GRM7: variants seen among roughly 807,000 people sequenced by gnomAD.
The protein encoded by GRM7 is glutamate metabotropic receptor 7, also known as metabotropic glutamate receptor 7.
In GRM7, 35 loss-of-function variants were observed where a neutral mutation model predicts 84.5. That is an observed-to-expected ratio of 0.41 (90% confidence interval 0.32 to 0.55). GRM7 has a LOEUF of 0.55. Ranked by LOEUF, GRM7 falls within the 20% of genes least tolerant of loss-of-function variation. GRM7 has a pLI of 0.19. For missense variants in GRM7, 1,003 were observed against 1,194.6 expected (o/e 0.84, Z 2.36); for synonymous variants, 487 against 455.1 (o/e 1.07, Z -0.89).
At chr3:7,699,178 C>G (rs1246433397) in intron 9 of GRM7, among the ~76,000 whole-genome samples, 7 of 152,114 alleles carry the variant, frequency 4.6e-5, no homozygotes, top group Non-Finnish European at 1.0e-4. Flanking sequence ...GTTCAAAACT[C>G]AAAGTTTGAT....
intron 1 of GRM7, among the ~76,000 whole-genome samples, chr3:6,975,916 A>G (rs1000333202): frequency 2.0e-5 from 3 of 152,208 alleles, no homozygotes; most frequent in Non-Finnish European, 4.4e-5. Flanking sequence ...CAGAAGGCAT[A>G]TTATGAACAT....
intron 1 of GRM7, among the ~76,000 whole-genome samples, chr3:7,044,398 G>A (rs1696730510): frequency 6.6e-6 from 1 of 152,222 alleles, no homozygotes; most frequent in East Asian, 1.9e-4. Context: ...TCCTGGTGGT[G>A]GAACGAGAGG....
At chr3:7,658,597 T>C (rs1200146775) in intron 8 of GRM7, among the ~76,000 whole-genome samples, 1 of 152,204 alleles carries the variant, frequency 6.6e-6, no homozygotes, top group Non-Finnish European at 1.5e-5. Context: ...TAAAGCAAGT[T>C]AACGATACCC....
At position 7,618,304 on chromosome 3, in the gene GRM7, T is replaced by G. The variant is rs1009191734; in HGVS notation, c.2451+38947T>G. 3.9e-4 allele frequency among the ~76,000 whole-genome samples: 59 copies of G among 152,244 alleles called. 1 individual carries two copies. Among genetic ancestry groups the G allele is most frequent in the African/African-American group, 1.3e-3 (55 of 41,558 alleles). On this transcript the variant is annotated intron_variant, in intron 8 of 9. Transcript: ENST00000357716. The stretch of plus-strand genomic sequence containing the variant: ...AGGGTTAGTGTGATCATTAAATTAG[T>G]TAATATTTAGTAAGTTCTTTTACCT...
At chr3:7,493,065 T>C (rs1003539588) in intron 7 of GRM7, among the ~76,000 whole-genome samples, 5 of 152,140 alleles carry the variant, frequency 3.3e-5, no homozygotes, top group Non-Finnish European at 7.4e-5. Context: ...CTTTTAAATT[T>C]GATGAAGTAT....
At chr3:6,888,962 G>A (rs1442501043) in intron 1 of GRM7, among the ~76,000 whole-genome samples, 1 of 152,010 alleles carries the variant, frequency 6.6e-6, no homozygotes, top group Non-Finnish European at 1.5e-5. Context: ...TTGTAAGTTG[G>A]ATTCCTAGGT....
intron 2 of GRM7, among the ~76,000 whole-genome samples, chr3:7,238,158 C>G (rs1216556334): frequency 6.6e-6 from 1 of 152,188 alleles, no homozygotes. Context: ...CTAAATAGCA[C>G]TTCTCATTAC....
intron 9 of GRM7, among the ~76,000 whole-genome samples, chr3:7,722,427 G>C (rs569854697): frequency 6.8e-6 from 1 of 147,414 alleles, no homozygotes; most frequent in South Asian, 2.2e-4. Context: ...TCATACAGCT[G>C]AATGGTGACA....
intron 4 of GRM7, among the ~76,000 whole-genome samples, chr3:7,319,617 G>C (rs1257338359): frequency 6.6e-6 from 1 of 152,006 alleles, no homozygotes. Flanking sequence ...TATGGCAAAA[G>C]AGTCTAGGAC....
intron 4 of GRM7, among the ~76,000 whole-genome samples, chr3:7,324,439 C>T (rs1476966209): frequency 6.6e-6 from 1 of 152,178 alleles, no homozygotes; most frequent in Non-Finnish European, 1.5e-5. Flanking sequence ...CCTGGACCTG[C>T]TGACCTCAGC....
At chr3:7,386,552 C>T (rs185555247) in intron 4 of GRM7, among the ~76,000 whole-genome samples, 38 of 152,236 alleles carry the variant, frequency 2.5e-4, no homozygotes, top group African/African-American at 8.4e-4. Context: ...TGTATTAATT[C>T]GCTTAGGATA....
chr3:7,014,746 T>C (rs774326624), intron 1 of GRM7, among the ~76,000 whole-genome samples: 2 of 152,228 alleles, frequency 1.3e-5, no homozygotes, highest in Non-Finnish European at 2.9e-5. Flanking sequence ...GAATAGAGAC[T>C]GTATCAAGTT....
At chr3:7,394,933 G>A (rs1377776958) in intron 4 of GRM7, among the ~76,000 whole-genome samples, 1 of 151,784 alleles carries the variant, frequency 6.6e-6, no homozygotes, top group Non-Finnish European at 1.5e-5. Flanking sequence ...AGCTACTCAG[G>A]AGGCTGAGGC....
At chr3:7,693,397 G>T (rs1700886866) in intron 9 of GRM7, among the ~76,000 whole-genome samples, 1 of 150,478 alleles carries the variant, frequency 6.6e-6, no homozygotes, top group South Asian at 2.1e-4. Flanking sequence ...TCCTCTCTCT[G>T]CTTTTGCCAT....
chr3:7,142,446 C>A (rs961495608), intron 1 of GRM7, among the ~76,000 whole-genome samples: 1 of 151,864 alleles, frequency 6.6e-6, no homozygotes, highest in African/African-American at 2.4e-5. Context: ...CTTCACAAGG[C>A]GGCAGGAAGA....
chr3:7,648,114 C>T (rs1274928628), intron 8 of GRM7, among the ~76,000 whole-genome samples: 2 of 152,042 alleles, frequency 1.3e-5, no homozygotes, highest in Non-Finnish European at 1.5e-5. Context: ...GCAGTGACTT[C>T]CAGAGCAGTA....
chr3:7,502,869 C>T (rs563716423), intron 7 of GRM7, among the ~76,000 whole-genome samples: 12 of 151,984 alleles, frequency 7.9e-5, no homozygotes, highest in African/African-American at 2.4e-4. Flanking sequence ...CTAACGCAAC[C>T]CTGAAGAGTG....
chr3:7,253,383 T>G (rs9875539), intron 2 of GRM7, among the ~76,000 whole-genome samples: 152,226 of 152,226 alleles, frequency 1, 76,113 homozygotes, highest in Non-Finnish European at 1. Context: ...GGGAGGCTGA[T>G]GTGGGCAGAT....
chr3:7,217,337 T>C (rs1696648736), intron 2 of GRM7, among the ~76,000 whole-genome samples: 1 of 152,194 alleles, frequency 6.6e-6, no homozygotes, highest in African/African-American at 2.4e-5. Flanking sequence ...ACGGAGTTGT[T>C]ATAGTTTCCC....
Sources: gnomAD v4.1 joint callset for allele counts (sites outside exome capture counted in the v4.1 genomes callset) on GRCh38, gnomAD v4.1.1 for gene constraint, MANE v1.5 for transcripts, NCBI Gene and HGNC (gene_info 2026-07-23, HGNC 2026-07-21) for gene names.